Variants in POLA1 observed in about 807,000 individuals in gnomAD.
POLA1 encodes the protein DNA polymerase alpha 1, catalytic subunit.
POLA1 carries 15 observed loss-of-function variants against 124.0 expected under a neutral mutation model. The observed-to-expected ratio is 0.12, with a 90% CI of 0.08 to 0.19. POLA1 has a LOEUF of 0.19. Ranked by LOEUF, POLA1 falls within the 10% of genes least tolerant of loss-of-function variation. The pLI is 1.00. For synonymous variants in POLA1, 408 were observed against 389.4 expected, an observed-to-expected ratio of 1.05 and a Z score of -0.56; for missense variants, 886 against 1,103.4, an observed-to-expected ratio of 0.80 and a Z score of 2.79.
At chrX:24,761,900 G>A (rs1421736692) in intron 26 of POLA1, among the ~76,000 whole-genome samples, 2 of 112,008 alleles carry the variant, frequency 1.8e-5, no homozygotes, top group Non-Finnish European at 3.8e-5. Flanking sequence ...ACTAGAGCTA[G>A]AGCTTGGGAA....
intron 34 of POLA1, among the ~76,000 whole-genome samples, chrX:24,845,784 T>G (rs1446295178): frequency 8.9e-6 from 1 of 112,269 alleles, no homozygotes; most frequent in East Asian, 2.8e-4. Context: ...TTCTCCTATT[T>G]AGCAACTTAA....
chrX:24,843,394 G>A (rs2046433879), intron 33 of POLA1, 152 bp from the exon 34 acceptor site: 2 of 372,928 alleles, frequency 5.4e-6, no homozygotes, highest in South Asian at 1.4e-4. Context: ...AGCGGTCTTT[G>A]GGAGGAAAAT....
chrX:24,796,135 G>A (rs2045601687), intron 26 of POLA1, among the ~76,000 whole-genome samples: 1 of 110,641 alleles, frequency 9.0e-6, no homozygotes, highest in Non-Finnish European at 1.9e-5. Context: ...TAGGTGTAGA[G>A]GGCTCTAGGA....
intron 26 of POLA1, among the ~76,000 whole-genome samples, chrX:24,764,772 A>G (rs1195411232): frequency 9.0e-6 from 1 of 111,477 alleles, no homozygotes; most frequent in Non-Finnish European, 1.9e-5. Context: ...AAGTCCTGCC[A>G]GTGTTACTTC....
chrX:24,895,618 G>A (rs962664101), intron 35 of POLA1, among the ~76,000 whole-genome samples: 1 of 112,187 alleles, frequency 8.9e-6, no homozygotes, highest in Non-Finnish European at 1.9e-5. Flanking sequence ...AGCACTCTAT[G>A]CAACAGAGAC....
intron 26 of POLA1, among the ~76,000 whole-genome samples, chrX:24,749,316 A>C (rs181661672): frequency 2.2e-4 from 22 of 101,098 alleles, no homozygotes; most frequent in Non-Finnish European, 3.6e-4. Flanking sequence ...TGGGGACGAC[A>C]TGGGTTGGGA....
chrX:24,996,490 C>T lies in POLA1; in HGVS notation c.*540C>T, dbSNP rs990512090. 2 of 113,213 alleles carry T rather than the reference C, an allele frequency of 1.8e-5. No individual in the cohort carries two copies. The highest frequency in any genetic ancestry group is 1.9e-4 in the Admixed American group (2 of 10,700). 9.3% of individuals were successfully genotyped at this position (113,213 alleles called of 1,213,427 possible). On this transcript the variant is annotated 3_prime_UTR_variant, in exon 37 of 37. Coordinates refer to ENST00000379068, the MANE Select transcript of POLA1 (RefSeq NM_001330360.2). ...TAGCTGAGGGGGAAGATTTAGAAGCCTTGCACTCACTAAATAGATTAAACA... is the reference window on the plus strand; with the variant it reads ...TAGCTGAGGGGGAAGATTTAGAAGCTTTGCACTCACTAAATAGATTAAACA...
chrX:24,811,395 T>G (rs2045898453), intron 28 of POLA1, among the ~76,000 whole-genome samples: 1 of 110,638 alleles, frequency 9.0e-6, no homozygotes, highest in Non-Finnish European at 1.9e-5. Context: ...CTTCAAGCAA[T>G]TCTACTGCCT....
chrX:24,946,525 A>G (rs1406415828), intron 36 of POLA1, among the ~76,000 whole-genome samples: 3 of 111,788 alleles, frequency 2.7e-5, no homozygotes, highest in Non-Finnish European at 5.6e-5. Context: ...CTTCTTCACC[A>G]GTCCCTGAGC....
chrX:24,855,013 A>G (rs1295538744), intron 34 of POLA1, among the ~76,000 whole-genome samples: 1 of 111,939 alleles, frequency 8.9e-6, no homozygotes, highest in African/African-American at 3.2e-5. Flanking sequence ...GACACAGGAA[A>G]ATGTGAGATA....
In POLA1 at chrX:24,714,640, A is replaced by G; in HGVS notation, c.433A>G (p.Ile145Val). 1 of 1,183,449 alleles carries G rather than the reference A, an allele frequency of 8.4e-7. No homozygotes were observed. Among genetic ancestry groups the G allele is most frequent in the East Asian group, 3.0e-5 (1 of 33,738 alleles). The change falls in exon 5 of 37, where the codon ATT (isoleucine) becomes GTT (valine). Residue 145 changes from isoleucine (I) to valine (V), a missense_variant. Transcript: ENST00000379068. The stretch of plus-strand genomic sequence containing the variant: ...ACCGAACAACATTAAGTCAATGTTC[A>G]TTGCTTGTGCTGGAAAGAAAACTGC... ...TKPNNIKSMF[I>V]ACAGKKTADK...
intron 34 of POLA1, among the ~76,000 whole-genome samples, chrX:24,854,177 C>T (rs1196024438): frequency 3.6e-5 from 4 of 110,944 alleles, no homozygotes; most frequent in African/African-American, 1.3e-4. Flanking sequence ...TCCTGAGTAC[C>T]TGGGATTATA....
intron 1 of POLA1, 58 bp downstream of exon 1, chrX:24,694,062 G>T: frequency 9.5e-7 from 1 of 1,053,946 alleles, no homozygotes; most frequent in East Asian, 3.4e-5. Flanking sequence ...GATTGCCGGT[G>T]GTGGGGGTTC....
chrX:24,988,926 A>G (rs2048506171), intron 36 of POLA1, among the ~76,000 whole-genome samples: 1 of 111,506 alleles, frequency 9.0e-6, no homozygotes, highest in African/African-American at 3.3e-5. Context: ...AGATCCCACC[A>G]CTGCACTCCA....
At chrX:24,972,160 A>G (rs1049637327) in intron 36 of POLA1, among the ~76,000 whole-genome samples, 17 of 110,448 alleles carry the variant, frequency 1.5e-4, no homozygotes, top group African/African-American at 3.0e-4. Flanking sequence ...CAGTAGAGAC[A>G]GGGTTTCACC....
intron 35 of POLA1, among the ~76,000 whole-genome samples, chrX:24,923,099 A>G (rs533828409): frequency 1.5e-4 from 17 of 111,727 alleles, no homozygotes; most frequent in African/African-American, 5.5e-4. Flanking sequence ...CAACATCTGC[A>G]GTATTGAAGC....
At chrX:24,959,198 G>T (rs1273206860) in intron 36 of POLA1, among the ~76,000 whole-genome samples, 1 of 111,754 alleles carries the variant, frequency 8.9e-6, no homozygotes, top group Non-Finnish European at 1.9e-5. Flanking sequence ...AGGCACGGTG[G>T]CTCACACCTG....
intron 26 of POLA1, among the ~76,000 whole-genome samples, chrX:24,799,996 A>G (rs970389429): frequency 8.9e-5 from 10 of 111,888 alleles, no homozygotes; most frequent in Non-Finnish European, 1.5e-4. Context: ...TCACTAAAGC[A>G]TGGACATAGT....
At chrX:24,777,982 G>A (rs1405435449) in intron 26 of POLA1, among the ~76,000 whole-genome samples, 1 of 111,822 alleles carries the variant, frequency 8.9e-6, no homozygotes, top group Non-Finnish European at 1.9e-5. Flanking sequence ...GCATATATCC[G>A]ATGTCAATAA....
Sources: gnomAD v4.1 joint callset for allele counts (sites outside exome capture counted in the v4.1 genomes callset) on GRCh38, gnomAD v4.1.1 for gene constraint, MANE v1.5 for transcripts, NCBI Gene and HGNC (gene_info 2026-07-23, HGNC 2026-07-21) for gene names.